SETBP1: variants seen among roughly 807,000 people sequenced by gnomAD.
SETBP1 encodes the protein SET-binding protein.
Under a neutral mutation model 101.0 loss-of-function variants are expected in SETBP1, and 9 were observed. The ratio of observed to expected loss-of-function variants is 0.09; its 90% CI spans 0.05 to 0.16. The LOEUF is 0.16. Ranked by LOEUF, SETBP1 falls within the 10% of genes least tolerant of loss-of-function variation. The pLI, the probability that SETBP1 is intolerant of heterozygous loss-of-function variation, is 1.00. For synonymous variants in SETBP1, 818 were observed against 788.5 expected, an observed-to-expected ratio of 1.04 and a Z score of -0.63; for missense variants, 1,858 against 2,033.8, an observed-to-expected ratio of 0.91 and a Z score of 1.66.
chr18:44,791,904 CTCT>C (rs1026065920), intron 2 of SETBP1, among the ~76,000 whole-genome samples: 3 of 152,132 alleles, frequency 2.0e-5, no homozygotes, highest in Admixed American at 2.0e-4. Context: ...CAGGTATCAT[CTCT>C]TCTTCTTCAT....
At chr18:45,016,286 A>G (rs28701806) in intron 4 of SETBP1, among the ~76,000 whole-genome samples, 6,437 of 151,992 alleles carry the variant, frequency 0.042, 452 homozygotes, top group African/African-American at 0.15. Context: ...CACAGCGTCT[A>G]GGAGAACAGC....
chr18:44,748,503 G>A (rs2070311410), intron 2 of SETBP1, among the ~76,000 whole-genome samples: 1 of 152,174 alleles, frequency 6.6e-6, no homozygotes, highest in East Asian at 1.9e-4. Flanking sequence ...AAAACTTCAG[G>A]ACAATTCCTG....
chr18:44,924,823 A>T (rs2070662487), intron 3 of SETBP1, among the ~76,000 whole-genome samples: 1 of 152,112 alleles, frequency 6.6e-6, no homozygotes, highest in Non-Finnish European at 1.5e-5. Context: ...TAAGCTAGAT[A>T]CCCCATTAGC....
At chr18:44,869,017 C>A (rs1393327891) in intron 2 of SETBP1, among the ~76,000 whole-genome samples, 5 of 151,996 alleles carry the variant, frequency 3.3e-5, no homozygotes, top group African/African-American at 4.8e-5. Flanking sequence ...GAGAGAGCAG[C>A]AAGAGAGAAG....
At chr18:44,827,088 G>A (rs1292186259) in intron 2 of SETBP1, among the ~76,000 whole-genome samples, 4 of 152,190 alleles carry the variant, frequency 2.6e-5, no homozygotes, top group Admixed American at 6.5e-5. Flanking sequence ...GGTAGCATAA[G>A]CATAGGGCTC....
chr18:44,968,290 A>G (rs539452412), intron 4 of SETBP1, among the ~76,000 whole-genome samples: 4 of 152,354 alleles, frequency 2.6e-5, no homozygotes, highest in Non-Finnish European at 4.4e-5. Context: ...AAGAATGAAC[A>G]AGAAAGATAA....
intron 5 of SETBP1, among the ~76,000 whole-genome samples, chr18:45,053,236 A>G (rs1055265272): frequency 1.3e-5 from 2 of 152,310 alleles, no homozygotes; most frequent in East Asian, 1.9e-4. Context: ...ACCACTTCAT[A>G]TCTAGAAAAT....
In SETBP1 at chr18:44,795,136, C is replaced by A. The variant is rs16978172; in HGVS notation, c.487-74094C>A. ...GAGGGGATGTTATTGTGAATAAGGT[C>A]ACTGCTTGCCATAGTCAATGGTCTA... On this transcript the variant is annotated intron_variant, in intron 2 of 5. Transcript: ENST00000649279. Among the ~76,000 whole-genome samples, 1,036 of 152,244 alleles carry A rather than the reference C, an allele frequency of 6.8e-3. 19 individuals carry two copies. The highest frequency in any genetic ancestry group is 0.024 in the African/African-American group (987 of 41,526).
chr18:44,866,076 A>G (rs2069121773), intron 2 of SETBP1, among the ~76,000 whole-genome samples: 1 of 152,160 alleles, frequency 6.6e-6, no homozygotes, highest in African/African-American at 2.4e-5. Flanking sequence ...TGAGACCACT[A>G]TCTCTCCCTG....
At chr18:44,829,453 A>T (rs1454460937) in intron 2 of SETBP1, among the ~76,000 whole-genome samples, 1 of 152,158 alleles carries the variant, frequency 6.6e-6, no homozygotes, top group Admixed American at 6.5e-5. Flanking sequence ...ATGTTTTTTG[A>T]AAAAATAAAC....
At chr18:44,804,188 G>A (rs1568154570) in intron 2 of SETBP1, among the ~76,000 whole-genome samples, 1 of 152,140 alleles carries the variant, frequency 6.6e-6, no homozygotes, top group Non-Finnish European at 1.5e-5. Flanking sequence ...ATGTCTTAAA[G>A]TGGAGGATAT....
At chr18:44,948,499 T>TGATTGATAGATAGATAGATAGATAGATA (rs148315292) in intron 3 of SETBP1, among the ~76,000 whole-genome samples, 6 of 149,854 alleles carry the variant, frequency 4.0e-5, no homozygotes, top group African/African-American at 1.5e-4. Context: ...CAAAGATAGA[T>TGATTGATAGATAGATAGATAGATAGATA]GATAGATAGA....
intron 4 of SETBP1, among the ~76,000 whole-genome samples, chr18:45,004,557 C>T (rs539827240): frequency 8.7e-4 from 132 of 152,322 alleles, no homozygotes; most frequent in African/African-American, 2.9e-3. Context: ...ATGTGGGTAA[C>T]TCTTCAGGTA....
chr18:44,766,369 A>C (rs2070763959), intron 2 of SETBP1, among the ~76,000 whole-genome samples: 1 of 152,214 alleles, frequency 6.6e-6, no homozygotes, highest in Non-Finnish European at 1.5e-5. Flanking sequence ...TTTAGCCTTA[A>C]AAAGGAAGGA....
chr18:44,766,071 T>C (rs979615740), intron 2 of SETBP1, among the ~76,000 whole-genome samples: 4 of 152,224 alleles, frequency 2.6e-5, no homozygotes, highest in Non-Finnish European at 4.4e-5. Flanking sequence ...AACTCACTTC[T>C]ATCTGAAAGG....
chr18:44,821,237 G>C (rs186094007), intron 2 of SETBP1, among the ~76,000 whole-genome samples: 1 of 152,180 alleles, frequency 6.6e-6, no homozygotes, highest in African/African-American at 2.4e-5. Flanking sequence ...CAAAGGCATT[G>C]CTTAACAGGC....
intron 2 of SETBP1, among the ~76,000 whole-genome samples, chr18:44,814,798 A>T (rs1426252626): frequency 6.6e-6 from 1 of 152,252 alleles, no homozygotes; most frequent in East Asian, 1.9e-4. Flanking sequence ...ACAGGTTTTT[A>T]AAAATTGGCT....
intron 2 of SETBP1, among the ~76,000 whole-genome samples, chr18:44,735,925 T>G (rs367881033): frequency 1.3e-5 from 2 of 152,328 alleles, no homozygotes; most frequent in African/African-American, 4.8e-5. Flanking sequence ...GAACATATAC[T>G]GCTATCTTCA....
intron 3 of SETBP1, among the ~76,000 whole-genome samples, chr18:44,938,924 C>G (rs1001763381): frequency 2.6e-5 from 4 of 151,260 alleles, no homozygotes; most frequent in African/African-American, 7.3e-5. Flanking sequence ...AGAAAAGGCC[C>G]CTGCTTTCTG....
Sources: gnomAD v4.1 joint callset for allele counts (sites outside exome capture counted in the v4.1 genomes callset) on GRCh38, gnomAD v4.1.1 for gene constraint, MANE v1.5 for transcripts, NCBI Gene and HGNC (gene_info 2026-07-23, HGNC 2026-07-21) for gene names.